The following SLC39A12 variants were observed in gnomAD, a reference collection of about 807,000 sequenced individuals.
SLC39A12 encodes the protein zinc transporter ZIP12.
A neutral mutation model predicts 71.1 loss-of-function variants in SLC39A12; 63 were observed. The observed-to-expected ratio is 0.89, with a 90% confidence interval of 0.72 to 1.09. The LOEUF (loss-of-function observed/expected upper bound fraction) is 1.09, where lower values mean the gene tolerates loss of function less well. Among genes scored for constraint, SLC39A12 ranks in the 50% least tolerant of loss-of-function variants. The pLI, the probability that SLC39A12 is intolerant of heterozygous loss-of-function variation, is 0.00. For missense variants in SLC39A12, 892 were observed against 812.6 expected, an observed-to-expected ratio of 1.10 and a Z score of -1.19; for synonymous variants, 351 against 301.3, an observed-to-expected ratio of 1.16 and a Z score of -1.71.
intron 12 of SLC39A12, among the ~76,000 whole-genome samples, chr10:18,029,262 CTTG>C (rs1233975709): frequency 1.6e-4 from 25 of 152,304 alleles, no homozygotes; most frequent in Admixed American, 1.3e-3. Flanking sequence ...GGTAACAGAA[CTTG>C]CGAGGACCAT....
intron 10 of SLC39A12, among the ~76,000 whole-genome samples, chr10:18,000,026 A>G (rs1244808974): frequency 6.6e-6 from 1 of 152,210 alleles, no homozygotes; most frequent in African/African-American, 2.4e-5. Flanking sequence ...AAACTACCAT[A>G]GACTGGATGG....
At chr10:17,986,288 C>T (rs2130817166) in intron 6 of SLC39A12, among the ~76,000 whole-genome samples, 1 of 152,242 alleles carries the variant, frequency 6.6e-6, no homozygotes. Flanking sequence ...AAGGGGTAGT[C>T]AGAGTAACTT....
At chr10:18,006,157 A>G (rs559500100) in intron 12 of SLC39A12, among the ~76,000 whole-genome samples, 13 of 152,348 alleles carry the variant, frequency 8.5e-5, no homozygotes, top group African/African-American at 2.9e-4. Flanking sequence ...TACCTTCTGA[A>G]CAAGGTTAAT....
intron 5 of SLC39A12, 39 bp from the exon 6 acceptor site, chr10:17,981,273 T>A: frequency 6.5e-7 from 1 of 1,538,552 alleles, no homozygotes; most frequent in Non-Finnish European, 8.8e-7. Flanking sequence ...AGTTTAAATA[T>A]GCTGAGATTA....
At chr10:17,954,919 G>A (rs782297229) in intron 2 of SLC39A12, among the ~76,000 whole-genome samples, 1 of 152,048 alleles carries the variant, frequency 6.6e-6, no homozygotes, top group Non-Finnish European at 1.5e-5. Flanking sequence ...TGCTTTGTGT[G>A]AGCAATAAAT....
intron 12 of SLC39A12, among the ~76,000 whole-genome samples, chr10:18,035,186 T>C (rs1437285405): frequency 1.5e-4 from 23 of 149,490 alleles, no homozygotes; most frequent in African/African-American, 4.5e-4. Flanking sequence ...TGAATCTGAA[T>C]GTTGGCCTGC....
At chr10:17,953,072 C>A in intron 1 of SLC39A12, 119 bp from the exon 2 acceptor site, 3 of 620,172 alleles carry the variant, frequency 4.8e-6, no homozygotes, top group East Asian at 2.8e-5. Context: ...TACCTACAGA[C>A]CCCCGCTGTG....
intron 6 of SLC39A12, 103 bp from the exon 7 acceptor site, chr10:17,987,376 A>G: frequency 3.1e-6 from 3 of 962,358 alleles, no homozygotes; most frequent in Non-Finnish European, 4.8e-6. Flanking sequence ...CCATATCCCT[A>G]CTGGCTGTTA....
intron 2 of SLC39A12, among the ~76,000 whole-genome samples, chr10:17,956,985 C>T (rs1834567019): frequency 6.6e-6 from 1 of 152,078 alleles, no homozygotes; most frequent in African/African-American, 2.4e-5. Context: ...CTTATATTTA[C>T]AATCAATTGT....
intron 12 of SLC39A12, among the ~76,000 whole-genome samples, chr10:18,010,940 C>T (rs1363049170): frequency 6.6e-6 from 1 of 152,170 alleles, no homozygotes; most frequent in African/African-American, 2.4e-5. Flanking sequence ...TGATTGTCCA[C>T]TTCTACTTAA....
chr10:18,035,975 G>C (rs1462110968), intron 12 of SLC39A12, among the ~76,000 whole-genome samples: 1 of 152,166 alleles, frequency 6.6e-6, no homozygotes, highest in Non-Finnish European at 1.5e-5. Flanking sequence ...TCAGGGGTCA[G>C]GGACCCACTT....
chr10:17,951,952 A>G lies in SLC39A12; in HGVS notation c.-160A>G, dbSNP rs1239069875. 2.0e-5 allele frequency: 3 copies of G among 152,204 alleles called. No individual in the cohort carries two copies. Among genetic ancestry groups the G allele is most frequent in the African/African-American group, 7.2e-5 (3 of 41,440 alleles). The allele number at this position is 152,204 out of a possible 1,614,324, so 9.4% of individuals were successfully genotyped here. A position where few individuals can be genotyped will look rare whatever the true frequency, so the allele number is the denominator to read the frequency against. On this transcript the variant is annotated 5_prime_UTR_variant, in exon 1 of 13. Transcript: ENST00000377369. Reference sequence around the variant, plus strand: ...GAATTTTAAAAACAGGGAACTTTGTAACTGTGAAATACTCTCCAGGATTTA... The same window carrying G: ...GAATTTTAAAAACAGGGAACTTTGTGACTGTGAAATACTCTCCAGGATTTA...
intron 4 of SLC39A12, among the ~76,000 whole-genome samples, chr10:17,970,073 C>A (rs370054047): frequency 1.3e-5 from 2 of 151,988 alleles, no homozygotes; most frequent in Admixed American, 1.3e-4. Flanking sequence ...GTTCTTGGGA[C>A]CTGTGTCTAA....
intron 10 of SLC39A12, among the ~76,000 whole-genome samples, chr10:17,997,361 G>C (rs990809293): frequency 5.3e-5 from 8 of 152,032 alleles, no homozygotes; most frequent in Admixed American, 2.6e-4. Flanking sequence ...TTATTTATTC[G>C]ATTCAAAATA....
chr10:17,989,479 G>A (rs1469715017), intron 7 of SLC39A12, among the ~76,000 whole-genome samples: 2 of 124,210 alleles, frequency 1.6e-5, no homozygotes, highest in Non-Finnish European at 3.0e-5. Context: ...AGCAGAAAAA[G>A]GCTCTCAGGT....
chr10:17,983,168 CAAAAAAAAAAAAA>C (rs59513976), intron 6 of SLC39A12, among the ~76,000 whole-genome samples: 6 of 60,596 alleles, frequency 9.9e-5, no homozygotes, highest in African/African-American at 3.0e-4. Context: ...GACTCCATCT[CAAAAAAAAAAAAA>C]AAAAAAAAAA....
At chr10:18,032,569 T>A (rs1328462738) in intron 12 of SLC39A12, among the ~76,000 whole-genome samples, 34 of 147,210 alleles carry the variant, frequency 2.3e-4, no homozygotes, top group African/African-American at 7.5e-4. Context: ...TGGGGTTTTC[T>A]AGATATACAA....
At chr10:17,982,296 T>G (rs1050843771) in intron 6 of SLC39A12, among the ~76,000 whole-genome samples, 2 of 152,164 alleles carry the variant, frequency 1.3e-5, no homozygotes, top group Non-Finnish European at 1.5e-5. Flanking sequence ...TGGGATAATG[T>G]GGACAAAAAT....
At chr10:17,980,460 T>C (rs1385804582) in intron 5 of SLC39A12, among the ~76,000 whole-genome samples, 2 of 152,180 alleles carry the variant, frequency 1.3e-5, no homozygotes, top group Admixed American at 6.6e-5. Flanking sequence ...CTTATTTCAA[T>C]AGAAAACATC....
Sources: allele counts gnomAD v4.1 joint callset (sites outside exome capture counted in the v4.1 genomes callset), GRCh38; gene constraint gnomAD v4.1.1; transcripts MANE v1.5; gene names NCBI Gene and HGNC (gene_info 2026-07-23, HGNC 2026-07-21).